The following PRDM10 variants were observed in gnomAD, a reference collection of about 807,000 sequenced individuals.
PRDM10 encodes PR domain zinc finger protein 10.
A neutral mutation model predicts 133.1 loss-of-function variants in PRDM10; 65 were observed. That is an observed-to-expected ratio of 0.49 (90% CI 0.40 to 0.60). The LOEUF (loss-of-function observed/expected upper bound fraction) is 0.60. Among genes scored for constraint, PRDM10 ranks in the 20% least tolerant of loss-of-function variants. The pLI, the probability that PRDM10 is intolerant of heterozygous loss-of-function variation, is 0.00. For synonymous variants in PRDM10, 582 were observed against 580.4 expected, an observed-to-expected ratio of 1.00 and a Z score of -0.04; for missense variants, 1,137 against 1,507.1, an observed-to-expected ratio of 0.75 and a Z score of 4.07.
At chr11:129,971,819 G>A (rs932968905) in intron 1 of PRDM10, among the ~76,000 whole-genome samples, 2 of 152,244 alleles carry the variant, frequency 1.3e-5, no homozygotes, top group Admixed American at 6.5e-5. Context: ...TGCCAGTCCC[G>A]TGCCGTGCGC....
intron 3 of PRDM10, 74 bp downstream of exon 3, chr11:129,957,672 C>T: frequency 1.3e-6 from 2 of 1,529,136 alleles, no homozygotes; most frequent in Non-Finnish European, 1.8e-6. Flanking sequence ...AGCACAATGA[C>T]TGACAGAAAG....
At chr11:129,929,508 G>T in intron 11 of PRDM10, 1 of 1,188,570 alleles carries the variant, frequency 8.4e-7, no homozygotes, top group Non-Finnish European at 1.2e-6. Flanking sequence ...TTACCAATCT[G>T]GATAGAAAAG....
chr11:129,987,569 C>T (rs1338025846), intron 1 of PRDM10, among the ~76,000 whole-genome samples: 6 of 152,100 alleles, frequency 3.9e-5, no homozygotes, highest in Non-Finnish European at 8.8e-5. Flanking sequence ...AGCATATGTC[C>T]CTAAAAGACT....
chr11:129,982,075 T>TA (rs1938142565), intron 1 of PRDM10, among the ~76,000 whole-genome samples: 1 of 151,446 alleles, frequency 6.6e-6, no homozygotes, highest in Non-Finnish European at 1.5e-5. Context: ...CTGGACAAGA[T>TA]AACAAAACCC....
chr11:129,998,965 G>C (rs925396901), intron 1 of PRDM10, among the ~76,000 whole-genome samples: 3 of 151,950 alleles, frequency 2.0e-5, no homozygotes, highest in Admixed American at 2.0e-4. Context: ...TGAGACTACA[G>C]CTGTGGGCCA....
At chr11:129,982,547 C>A (rs78593937) in intron 1 of PRDM10, among the ~76,000 whole-genome samples, 3,607 of 152,242 alleles carry the variant, frequency 0.024, 114 homozygotes, top group African/African-American at 0.074. Context: ...AAAATGTTAA[C>A]CACGGTTACC....
At chr11:129,960,690 G>C (rs1312553540) in intron 2 of PRDM10, among the ~76,000 whole-genome samples, 1 of 152,180 alleles carries the variant, frequency 6.6e-6, no homozygotes, top group Non-Finnish European at 1.5e-5. Context: ...GCCTATAGCT[G>C]GTGGTCTAGC....
intron 11 of PRDM10, among the ~76,000 whole-genome samples, chr11:129,927,087 C>A (rs1950699962): frequency 7.0e-6 from 1 of 142,958 alleles, no homozygotes; most frequent in African/African-American, 2.5e-5. Context: ...GCACCTGTAA[C>A]CCCAGGGCTG....
rs1008066774 is a variant in PRDM10 at position 129,900,459 on chromosome 11, A to G, written c.*1854T>C. On this transcript the variant is annotated 3_prime_UTR_variant, in exon 21 of 21. Coordinates refer to ENST00000360871, the MANE Select transcript of PRDM10 (RefSeq NM_199437.2). ...TAAAACTTAAAACAACTGCCATAAAATGAACATTCCATTCAGTGATTCTTT... is the reference window on the plus strand; with the variant it reads ...TAAAACTTAAAACAACTGCCATAAAGTGAACATTCCATTCAGTGATTCTTT... 6.6e-6 allele frequency: 1 copy of G among 152,660 alleles called. No individual in the cohort carries two copies. The highest frequency in any genetic ancestry group is 2.4e-5 in the African/African-American group (1 of 41,452). 9.5% of individuals were successfully genotyped at this position (152,660 alleles called of 1,614,324 possible). A position where few individuals can be genotyped will look rare whatever the true frequency, so the allele number is the denominator to read the frequency against.
In PRDM10 at chr11:129,947,298, G is replaced by C. The variant is rs775711946; in HGVS notation, c.367C>G (p.Leu123Val). 26 of 1,613,836 alleles carry C rather than the reference G, an allele frequency of 1.6e-5. No individual in the cohort carries two copies. Among genetic ancestry groups the C allele is most frequent in the Non-Finnish European group, 2.1e-5 (25 of 1,179,976 alleles). Residue 123 changes from leucine to valine, a missense_variant, in exon 5 of 21, where the codon CTG (leucine) becomes GTG (valine). By Grantham distance (32) the Leu-to-Val change is conservative. Around this residue, in one of 6 missense-constraint regions of PRDM10, gnomAD observed 635 missense variants for 835.2 expected, o/e 0.76. Coordinates refer to ENST00000360871, the MANE Select transcript of PRDM10 (RefSeq NM_199437.2). The surrounding 1 kb of genome is among the most constrained non-coding windows in gnomAD (Gnocchi z 4.6). ...TCCAGTCTGCCTAGAGGGGTCTGCA[G>C]AGTTGCCAAAGGGTCGGACCCATCT... Reference protein sequence around the residue: ...SVDGSDPLATLQTPLGRLEAK... With the variant: ...SVDGSDPLATVQTPLGRLEAK...
At chr11:129,951,435 G>A (rs1316886994) in intron 4 of PRDM10, among the ~76,000 whole-genome samples, 6 of 152,180 alleles carry the variant, frequency 3.9e-5, no homozygotes, top group Admixed American at 6.5e-5. Context: ...ATAGCCAGGC[G>A]GTAGGTTGGC....
rs115569974 is a variant in PRDM10, at chr11:129,967,545, G to A, written c.-118-6463C>T. On this transcript the variant is annotated intron_variant, in intron 1 of 20. Transcript: ENST00000360871. ...GCAATATTTGTGATCACATAACAAC[G>A]ATGAACATTCAAGAAAGGGTAGCAA... 3.4e-3 allele frequency among the ~76,000 whole-genome samples: 515 copies of A among 152,176 alleles called. 2 individuals carry two copies. The highest frequency in any genetic ancestry group is 0.012 in the African/African-American group (480 of 41,524).
intron 13 of PRDM10, among the ~76,000 whole-genome samples, chr11:129,920,182 C>T (rs1237163808): frequency 6.6e-6 from 1 of 152,170 alleles, no homozygotes; most frequent in Non-Finnish European, 1.5e-5. Context: ...TTAACCGAAT[C>T]ATCACATAAA....
rs572787698 is a variant in PRDM10, at chr11:129,932,151, C to T, written c.1238G>A (p.Arg413His). The T allele has an allele frequency of 3.1e-6, 5 of 1,614,052 alleles. No individual in the cohort carries two copies. Among genetic ancestry groups the T allele is most frequent in the South Asian group, 2.2e-5 (2 of 91,078 alleles). ...CCCATTTTCGCTGGTGATTTCCAGGCGGATAAATTTTGGAGGACGCCCCGG... is the reference window on the plus strand; with the variant it reads ...CCCATTTTCGCTGGTGATTTCCAGGTGGATAAATTTTGGAGGACGCCCCGG... ...RRPGRPPKFI[R>H]LEITSENGEK... The change falls in exon 10 of 21, where the codon CGC becomes CAC. Residue 413 changes from arginine to histidine, a missense_variant. Arg to His is a conservative substitution (Grantham distance 29). Around this residue, in one of 6 missense-constraint regions of PRDM10, gnomAD observed 635 missense variants for 835.2 expected, o/e 0.76. Transcript: ENST00000360871.
intron 1 of PRDM10, among the ~76,000 whole-genome samples, chr11:129,981,238 A>G (rs1003026528): frequency 2.0e-5 from 3 of 152,150 alleles, no homozygotes; most frequent in Non-Finnish European, 2.9e-5. Flanking sequence ...GTACATACCT[A>G]TAAGTACGCT....
intron 4 of PRDM10, among the ~76,000 whole-genome samples, chr11:129,953,932 C>T (rs1951644695): frequency 1.4e-5 from 2 of 146,164 alleles, no homozygotes; most frequent in Admixed American, 1.4e-4. Flanking sequence ...TATATATAAT[C>T]CATTGCTTGC....
At chr11:129,988,036 A>G (rs1339327617) in intron 1 of PRDM10, among the ~76,000 whole-genome samples, 1 of 152,158 alleles carries the variant, frequency 6.6e-6, no homozygotes, top group African/African-American at 2.4e-5. Context: ...GGTACATGCT[A>G]CATACAACAT....
intron 17 of PRDM10, among the ~76,000 whole-genome samples, chr11:129,912,791 G>T (rs890481214): frequency 1.2e-4 from 18 of 149,906 alleles, no homozygotes; most frequent in African/African-American, 3.9e-4. Flanking sequence ...AGGGTGCAGT[G>T]GCTCACCCCT....
rs1949794485 is a variant in PRDM10, at chr11:129,899,797, A to G, written c.*2516T>C. 1 of 152,644 alleles carries G rather than the reference A, an allele frequency of 6.6e-6. No homozygotes were observed. Among genetic ancestry groups the G allele is most frequent in the South Asian group, 2.1e-4 (1 of 4,834 alleles). The allele number at this position is 152,644 out of a possible 1,614,324, so 9.5% of individuals were successfully genotyped here. ...CATAGCACAAGACTATTAACACTAT[A>G]ACTCACTGAATGTACAATAAATGTT... is the stretch of plus-strand genomic sequence containing the variant. On this transcript the variant is annotated 3_prime_UTR_variant, in exon 21 of 21. Coordinates refer to ENST00000360871, the MANE Select transcript of PRDM10 (RefSeq NM_199437.2).
Sources: gnomAD v4.1 joint callset for allele counts (sites outside exome capture counted in the v4.1 genomes callset) on GRCh38, gnomAD v4.1.1 for gene constraint, gnomAD v4.1.1 regional missense constraint, Gnocchi (gnomAD v3.1) non-coding constraint, MANE v1.5 for transcripts, NCBI Gene and HGNC (gene_info 2026-07-23, HGNC 2026-07-21) for gene names.